The following TRIM71 variants were observed in gnomAD, a reference collection of about 807,000 sequenced individuals.
TRIM71 encodes E3 ubiquitin-protein ligase TRIM71.
In TRIM71, 9 loss-of-function variants were observed where a neutral mutation model predicts 61.2. The ratio of observed to expected loss-of-function variants is 0.15; its 90% CI spans 0.09 to 0.26. The LOEUF is 0.26. TRIM71 is among the 10% of genes least tolerant of loss of function. The probability of loss-of-function intolerance (pLI) is 1.00; values close to 1 mark genes in which losing one functional copy is unlikely to be tolerated. For synonymous variants in TRIM71, 645 were observed against 553.2 expected, an observed-to-expected ratio of 1.17 and a Z score of -2.33; for missense variants, 998 against 1,238.7, an observed-to-expected ratio of 0.81 and a Z score of 2.92.
In TRIM71 at chr3:32,818,654, C is replaced by T. The variant is rs775334984; in HGVS notation, c.574C>T (p.Leu192=). The T allele has an allele frequency of 9.4e-6, 14 of 1,496,350 alleles. No individual in the cohort carries two copies. The East Asian group carries it at 2.2e-4, about 24-fold the overall frequency. The allele number at this position is 1,496,350 out of a possible 1,614,324, so 92.7% of individuals were successfully genotyped here. ...GGPAASPSAL[L]LRRPHGCSSC... Reference sequence around the variant, plus strand: ...CCCTGCCGCTTCCCCGTCGGCGCTGCTGCTCCGCCGTCCTCACGGCTGCAG... The same window carrying T: ...CCCTGCCGCTTCCCCGTCGGCGCTGTTGCTCCGCCGTCCTCACGGCTGCAG... Residue 192 remains leucine, a synonymous_variant, in exon 1 of 4, where the codon CTG becomes TTG. Coordinates refer to ENST00000383763, the MANE Select transcript of TRIM71 (RefSeq NM_001039111.3).
At chr3:32,821,758 C>T (rs1696136779) in intron 1 of TRIM71, among the ~76,000 whole-genome samples, 1 of 151,580 alleles carries the variant, frequency 6.6e-6, no homozygotes, top group Admixed American at 6.6e-5. Context: ...CAGCTGGCCG[C>T]GGGCCCGCTG....
At position 32,818,765 on chromosome 3, in the gene TRIM71, C is replaced by G. The variant is rs757226100; in HGVS notation, c.685C>G (p.Arg229Gly). The G allele has an allele frequency of 5.6e-6, 9 of 1,606,454 alleles. No homozygotes were observed. Among genetic ancestry groups the G allele is most frequent in the Non-Finnish European group, 7.6e-6 (9 of 1,178,386 alleles). The change falls in exon 1 of 4, where the codon CGC (arginine) becomes GGC (glycine). Residue 229 changes from arginine (R) to glycine (G), a missense_variant. Transcript: ENST00000383763. ...LCDNCVRAHQ[R>G]VRLTKDHYIE... ...CGACAACTGCGTCCGAGCGCACCAG[C>G]GCGTGCGCCTCACCAAGGACCACTA...
chr3:32,858,487 A>G (rs1324404220), intron 1 of TRIM71, among the ~76,000 whole-genome samples: 1 of 152,206 alleles, frequency 6.6e-6, no homozygotes, highest in Non-Finnish European at 1.5e-5. Context: ...ATAGTCTCTG[A>G]GTCTGAGTAC....
intron 1 of TRIM71, among the ~76,000 whole-genome samples, chr3:32,823,591 C>G (rs1426344139): frequency 2.7e-5 from 4 of 150,902 alleles, no homozygotes; most frequent in African/African-American, 9.8e-5. Context: ...TTCTAGACTT[C>G]CAGTTCTTCA....
chr3:32,837,149 C>T (rs1237802152), intron 1 of TRIM71, among the ~76,000 whole-genome samples: 3 of 152,174 alleles, frequency 2.0e-5, no homozygotes, highest in South Asian at 2.1e-4. Context: ...TTGTTAACAG[C>T]GTGGATAATG....
At position 32,829,535 on chromosome 3, in the gene TRIM71, C is replaced by A. The variant is rs542399896; in HGVS notation, c.852+10603C>A. 5.9e-5 allele frequency among the ~76,000 whole-genome samples: 9 copies of A among 152,178 alleles called. No individual in the cohort carries two copies. In the South Asian group the frequency reaches 1.9e-3, roughly 32 times the overall value. The stretch of plus-strand genomic sequence containing the variant: ...TGGGGGCTGGGGAGAGGAAGGGAAA[C>A]TGTGGCATATCAAGGAAGCAGATCA... On this transcript the variant is annotated intron_variant, in intron 1 of 3. Transcript: ENST00000383763.
intron 1 of TRIM71, among the ~76,000 whole-genome samples, chr3:32,826,728 G>T (rs1350767216): frequency 6.7e-6 from 1 of 148,246 alleles, no homozygotes; most frequent in African/African-American, 2.5e-5. Context: ...TTACAGGTGT[G>T]AGCCACCACA....
chr3:32,887,199 G>A (rs1696970316), intron 3 of TRIM71, among the ~76,000 whole-genome samples: 1 of 152,112 alleles, frequency 6.6e-6, no homozygotes, highest in African/African-American at 2.4e-5. Context: ...TGTGTGTGGG[G>A]GTTTCTGCCG....
chr3:32,833,045 C>A (rs576068048), intron 1 of TRIM71, among the ~76,000 whole-genome samples: 2 of 151,750 alleles, frequency 1.3e-5, no homozygotes, highest in East Asian at 3.9e-4. Flanking sequence ...CTTAGTGTTA[C>A]GAACCTGTCA....
At chr3:32,831,683 C>T (rs568432207) in intron 1 of TRIM71, among the ~76,000 whole-genome samples, 5 of 151,836 alleles carry the variant, frequency 3.3e-5, no homozygotes, top group South Asian at 4.2e-4. Context: ...ACTACAGGCG[C>T]GTGCCACCAT....
intron 1 of TRIM71, among the ~76,000 whole-genome samples, chr3:32,862,015 G>C (rs949908756): frequency 9.2e-5 from 14 of 152,162 alleles, no homozygotes; most frequent in African/African-American, 3.4e-4. Context: ...TACTGCCTGT[G>C]AACAACTCTG....
intron 1 of TRIM71, among the ~76,000 whole-genome samples, chr3:32,840,514 C>T (rs1164155503): frequency 2.0e-5 from 3 of 152,154 alleles, no homozygotes; most frequent in African/African-American, 4.8e-5. Flanking sequence ...GACAAAGCCC[C>T]GAAATTGCCT....
chr3:32,880,317 C>T (rs1429235944), intron 2 of TRIM71, among the ~76,000 whole-genome samples: 1 of 152,210 alleles, frequency 6.6e-6, no homozygotes, highest in Non-Finnish European at 1.5e-5. Context: ...GCTTGAGCCA[C>T]TGCACCCAGC....
intron 1 of TRIM71, among the ~76,000 whole-genome samples, chr3:32,871,866 GGGTGCGTTGGCTCAC>G (rs1696798852): frequency 1.3e-5 from 2 of 152,200 alleles, no homozygotes; most frequent in Non-Finnish European, 2.9e-5. Flanking sequence ...GATCTGGGCC[GGGTGCGTTGGCTCAC>G]GCCTGTAATC....
At chr3:32,873,658 T>C (rs772606919) in intron 1 of TRIM71, among the ~76,000 whole-genome samples, 160 bp from the exon 2 acceptor site, 1 of 152,190 alleles carries the variant, frequency 6.6e-6, no homozygotes, top group African/African-American at 2.4e-5. Flanking sequence ...TTTTTAGTTA[T>C]GTTTGCAGTT....
chr3:32,837,689 C>T lies in TRIM71; in HGVS notation c.852+18757C>T, dbSNP rs1315713924. Among the ~76,000 whole-genome samples, 4 of 152,158 alleles carry T rather than the reference C, an allele frequency of 2.6e-5. 1 individual carries two copies. The highest frequency in any genetic ancestry group is 4.2e-4 in the South Asian group (2 of 4,810). On this transcript the variant is annotated intron_variant, in intron 1 of 3. Transcript: ENST00000383763. ...AAAAAATTAGCCAGACGTGGTGGCA[C>T]GCACCTGTAGTGAAGCTGAGGCAGG...
At chr3:32,833,502 T>A (rs1266175526) in intron 1 of TRIM71, among the ~76,000 whole-genome samples, 1 of 152,000 alleles carries the variant, frequency 6.6e-6, no homozygotes. Context: ...AGAGGGAGCA[T>A]CTGTGGATGG....
Position 32,818,557 on chromosome 3 carries a change from C to G in TRIM71, c.477C>G (p.Arg159=), listed in dbSNP as rs1338785091. The G allele has an allele frequency of 3.2e-6, 4 of 1,263,576 alleles. No individual in the cohort carries two copies. In the East Asian group the frequency reaches 1.3e-4, roughly 42 times the overall value. The allele number at this position is 1,263,576 out of a possible 1,614,324, so 78.3% of individuals were successfully genotyped here. A position where few individuals can be genotyped will look rare whatever the true frequency, so the allele number is the denominator to read the frequency against. The part of the protein sequence containing the change: ...HRHHAHHAHP[R]ASASAPPLPQ... ...ACCACGCTCACCACGCGCACCCGCG[C>G]GCGTCCGCCTCCGCGCCGCCACTCC... The change falls in exon 1 of 4, where the codon CGC becomes CGG. Residue 159 remains arginine, a synonymous_variant. Transcript: ENST00000383763.
intron 1 of TRIM71, among the ~76,000 whole-genome samples, chr3:32,856,971 C>T (rs1696613135): frequency 6.6e-6 from 1 of 152,086 alleles, no homozygotes; most frequent in African/African-American, 2.4e-5. Flanking sequence ...GCTCAGTGAG[C>T]CAGCTTATCC....
Sources: allele counts gnomAD v4.1 joint callset (sites outside exome capture counted in the v4.1 genomes callset), GRCh38; gene constraint gnomAD v4.1.1; transcripts MANE v1.5; gene names NCBI Gene and HGNC (gene_info 2026-07-23, HGNC 2026-07-21).